The following FKBP15 variants were observed in gnomAD, a reference collection of about 807,000 sequenced individuals.
FKBP15 encodes the protein FKBP prolyl isomerase family member 15.
In FKBP15, 106 loss-of-function variants were observed where a neutral mutation model predicts 158.1. That is an observed-to-expected ratio of 0.67 (90% CI 0.57 to 0.79). The LOEUF (loss-of-function observed/expected upper bound fraction) is 0.79, where lower values mean the gene tolerates loss of function less well. FKBP15 is among the 30% of genes least tolerant of loss of function. The pLI is 0.00. For missense variants in FKBP15, 1,287 were observed against 1,479.1 expected, an observed-to-expected ratio of 0.87 and a Z score of 2.13; for synonymous variants, 547 against 548.6, an observed-to-expected ratio of 1.00 and a Z score of 0.04.
rs144796832 is a variant in FKBP15 at position 113,169,209 on chromosome 9, C to T, written c.3485+15G>A. ...TAACTACCCTGTCCCTGAAGCAGTGCTCAGAGGAACATACCTGGAACGCTG... is the reference window on the plus strand; with the variant it reads ...TAACTACCCTGTCCCTGAAGCAGTGTTCAGAGGAACATACCTGGAACGCTG... On this transcript the variant is annotated intron_variant, in intron 26 of 27. Transcript: ENST00000238256. 3.0e-4 allele frequency: 476 copies of T among 1,605,650 alleles called. 5 individuals are homozygous for T. The African/African-American group carries it at 5.9e-3, about 20-fold the overall frequency.
rs563632823 is a variant in FKBP15, at chr9:113,171,055, G to T, written c.2659-426C>A. The stretch of plus-strand genomic sequence containing the variant: ...CCTGTCAAAACCTCAGAAAGATAGG[G>T]TTCTTTTGGGTTTGCCACTTAATAT... On this transcript the variant is annotated intron_variant, in intron 24 of 27. Transcript: ENST00000238256. Among the ~76,000 whole-genome samples the T allele has an allele frequency of 4.4e-3, 674 of 152,296 alleles. 2 individuals carry two copies. The highest frequency in any genetic ancestry group is 7.9e-3 in the Non-Finnish European group (536 of 68,024).
chr9:113,207,228 C>A lies in FKBP15; in HGVS notation c.238G>T (p.Val80Phe). 6.2e-7 allele frequency: 1 copy of A among 1,613,082 alleles called. No homozygotes were observed. Among genetic ancestry groups the A allele is most frequent in the East Asian group, 2.2e-5 (1 of 44,880 alleles). ...STPTILVATA[V>F]HAYRYTNGQY... Reference sequence around the variant, plus strand: ...GCGACTTACTATCGATATGCATGGACTGCTGTTGCGACCAGTATTGTGGGA... The same window carrying A: ...GCGACTTACTATCGATATGCATGGAATGCTGTTGCGACCAGTATTGTGGGA... Residue 80 changes from valine to phenylalanine, a missense_variant, in exon 3 of 28, where the codon GTC becomes TTC. By Grantham distance (50) the Val-to-Phe change is conservative. Transcript: ENST00000238256.
rs754232517 is a variant in FKBP15 at position 113,169,790 on chromosome 9, A to T, written c.2919T>A (p.Asn973Lys). The change falls in exon 26 of 28, where the codon AAT becomes AAA. Residue 973 changes from asparagine (N) to lysine (K), a missense_variant. Asn to Lys is a moderately conservative substitution (Grantham distance 94). Transcript: ENST00000238256. ...CCATGGGGGACTCTGGCCTCTCCCT[A>T]TTCAGGGGTGCTTGAGGCTGCCCAG... ...ASSGQPQAPL[N>K]RERPESPMVP... 3 of 1,591,718 alleles carry T rather than the reference A, an allele frequency of 1.9e-6. No individual in the cohort carries two copies. The African/African-American group carries it at 4.0e-5, about 21-fold the overall frequency.
At chr9:113,183,710 C>T (rs777980203) in intron 18 of FKBP15, 41 bp downstream of exon 18, 1 of 1,352,762 alleles carries the variant, frequency 7.4e-7, no homozygotes, top group South Asian at 1.2e-5. Context: ...ACATAATAAA[C>T]CCTTTTGTCC....
intron 8 of FKBP15, among the ~76,000 whole-genome samples, chr9:113,197,601 A>T (rs1248222544): frequency 1.3e-5 from 2 of 152,126 alleles, no homozygotes; most frequent in African/African-American, 4.8e-5. Flanking sequence ...CCCAGGAGAC[A>T]GAGGTTGCAG....
intron 13 of FKBP15, 46 bp downstream of exon 13, chr9:113,188,343 A>T (rs553285891): frequency 7.1e-7 from 1 of 1,416,722 alleles, no homozygotes; most frequent in South Asian, 1.2e-5. Flanking sequence ...GATAATTTTC[A>T]TGCTGACCCA....
intron 19 of FKBP15, among the ~76,000 whole-genome samples, chr9:113,181,802 G>T (rs575479333): frequency 5.9e-4 from 90 of 152,272 alleles, no homozygotes; most frequent in African/African-American, 2.1e-3. Flanking sequence ...AGGAGAAATA[G>T]TAAAAAGTAC....
At chr9:113,220,438 G>A (rs1171014815) in intron 1 of FKBP15, among the ~76,000 whole-genome samples, 1 of 152,164 alleles carries the variant, frequency 6.6e-6, no homozygotes, top group Admixed American at 6.5e-5. Flanking sequence ...TTCTATTCCA[G>A]GCTGGTATAT....
chr9:113,218,290 T>C (rs903626947), intron 1 of FKBP15, among the ~76,000 whole-genome samples: 3 of 151,570 alleles, frequency 2.0e-5, no homozygotes, highest in Non-Finnish European at 2.9e-5. Flanking sequence ...AGCTGCATGA[T>C]CTTGGGCAAT....
At chr9:113,192,045 AAG>A (rs1830584663) in intron 11 of FKBP15, among the ~76,000 whole-genome samples, 1 of 151,890 alleles carries the variant, frequency 6.6e-6, no homozygotes, top group South Asian at 2.1e-4. Context: ...TAAAAAAAAA[AAG>A]AGAAGAAAAA....
At position 113,174,459 on chromosome 9, in the gene FKBP15, C is replaced by G; in HGVS notation, c.2348G>C (p.Arg783Pro). 1 of 1,613,928 alleles carries G rather than the reference C, an allele frequency of 6.2e-7. No homozygotes were observed. Among genetic ancestry groups the G allele is most frequent in the Non-Finnish European group, 8.5e-7 (1 of 1,179,842 alleles). The change falls in exon 22 of 28, where the codon CGA (arginine) becomes CCA (proline). Residue 783 changes from arginine (R) to proline (P), a missense_variant. Arg to Pro is a moderately radical substitution (Grantham distance 103). Coordinates refer to ENST00000238256, the MANE Select transcript of FKBP15 (RefSeq NM_015258.2). ...TGCAGCTGCTTGGTCTGTGGACACTCGAGTCTTTTTCAAGAGCTGTCGAAG... is the reference window on the plus strand; with the variant it reads ...TGCAGCTGCTTGGTCTGTGGACACTGGAGTCTTTTTCAAGAGCTGTCGAAG... ...DKLRQLLKKT[R>P]VSTDQAAAEQ...
intron 2 of FKBP15, among the ~76,000 whole-genome samples, chr9:113,210,838 C>T (rs966084122): frequency 5.9e-5 from 9 of 152,198 alleles, no homozygotes; most frequent in Non-Finnish European, 7.3e-5. Flanking sequence ...CTTTCTCCTG[C>T]GCTGGATGCT....
rs1830940758 is a variant in FKBP15, at chr9:113,208,611, T to G, written c.170-1315A>C. On this transcript the variant is annotated intron_variant, in intron 2 of 27. Coordinates refer to ENST00000238256, the MANE Select transcript of FKBP15 (RefSeq NM_015258.2). ...GAAACACATAAATTAAAATGCAACA[T>G]TTTTGTGTGTACTTCCAGTTATCTT... is the stretch of plus-strand genomic sequence containing the variant. Among the ~76,000 whole-genome samples, 2 of 152,188 alleles carry G rather than the reference T, an allele frequency of 1.3e-5. 1 individual carries two copies. The highest frequency in any genetic ancestry group is 4.1e-4 in the South Asian group (2 of 4,830).
chr9:113,192,853 G>C (rs994046522), intron 11 of FKBP15, among the ~76,000 whole-genome samples: 27 of 152,296 alleles, frequency 1.8e-4, no homozygotes, highest in Non-Finnish European at 3.2e-4. Flanking sequence ...AAGTAGAAGA[G>C]ACCGTCTAGG....
At position 113,203,050 on chromosome 9, in the gene FKBP15, CG is replaced by C; in HGVS notation, c.325-16del. ...AGAATCCTATACTGTAGACAAGCAA[CG>C]ACAGATAGAAAAAAAAAAAGAGAGA... On this transcript the variant is annotated splice_polypyrimidine_tract_variant and intron_variant, in intron 4 of 27. Transcript: ENST00000238256. The C allele has an allele frequency of 6.6e-7, 1 of 1,523,616 alleles. No homozygotes were observed. The highest frequency in any genetic ancestry group is 8.9e-7 in the Non-Finnish European group (1 of 1,128,116). The allele number at this position is 1,523,616 out of a possible 1,614,324, so 94.4% of individuals were successfully genotyped here.
chr9:113,191,694 A>G (rs897347301), intron 11 of FKBP15, among the ~76,000 whole-genome samples: 3 of 149,488 alleles, frequency 2.0e-5, no homozygotes, highest in Non-Finnish European at 4.4e-5. Context: ...GGTGCATTAC[A>G]TACAGAGTAT....
At chr9:113,203,584 G>T (rs1454409174) in intron 4 of FKBP15, among the ~76,000 whole-genome samples, 1 of 150,946 alleles carries the variant, frequency 6.6e-6, no homozygotes, top group Non-Finnish European at 1.5e-5. Flanking sequence ...CTGGAGTGCA[G>T]TGGCGCAATC....
At position 113,221,193 on chromosome 9, in the gene FKBP15, G is replaced by C; in HGVS notation, c.51C>G (p.Gly17=). 1 of 1,608,860 alleles carries C rather than the reference G, an allele frequency of 6.2e-7. No homozygotes were observed. The highest frequency in any genetic ancestry group is 8.5e-7 in the Non-Finnish European group (1 of 1,177,282). The change falls in exon 1 of 28, where the codon GGC becomes GGG. Residue 17 remains glycine, a splice_region_variant and synonymous_variant. Transcript: ENST00000238256. ...GCGCATACTTCTCAGTCACTCACCC[G>C]CCGCTCGGCGAGAGGAAATCGGTGT... ...EDDTDFLSPS[G]GARLASLFGL...
chr9:113,187,300 AC>A (rs1345635539), intron 14 of FKBP15: 3 of 161,708 alleles, frequency 1.9e-5, no homozygotes, highest in African/African-American at 7.2e-5. Flanking sequence ...AGGGTCTGCT[AC>A]CCCTGGCAAA....
Sources: gnomAD v4.1 joint callset for allele counts (sites outside exome capture counted in the v4.1 genomes callset) on GRCh38, gnomAD v4.1.1 for gene constraint, MANE v1.5 for transcripts, NCBI Gene and HGNC (gene_info 2026-07-23, HGNC 2026-07-21) for gene names.